SFSWAP: variants seen among roughly 807,000 people sequenced by gnomAD.
The protein encoded by SFSWAP is splicing factor, suppressor of white-apricot homolog.
SFSWAP carries 17 observed loss-of-function variants against 100.7 expected under a neutral mutation model. That is an observed-to-expected ratio of 0.17 (90% CI 0.12 to 0.25). The LOEUF (loss-of-function observed/expected upper bound fraction) is 0.25. Among genes scored for constraint, SFSWAP ranks in the 10% least tolerant of loss-of-function variants. The pLI is 1.00. For synonymous variants in SFSWAP, 504 were observed against 510.1 expected (o/e 0.99, Z 0.16); for missense variants, 1,005 against 1,262.6 (o/e 0.80, Z 3.09).
intron 13 of SFSWAP, among the ~76,000 whole-genome samples, chr12:131,776,245 A>C (rs1884015149): frequency 6.6e-6 from 1 of 152,216 alleles, no homozygotes; most frequent in African/African-American, 2.4e-5. Context: ...CCCTGGAGAT[A>C]ATTTAGGCAG....
chr12:131,769,037 G>A (rs1883355581), intron 13 of SFSWAP, among the ~76,000 whole-genome samples: 1 of 151,852 alleles, frequency 6.6e-6, no homozygotes, highest in African/African-American at 2.4e-5. Flanking sequence ...TGAGGCAGGA[G>A]AATCTCTTGA....
At chr12:131,745,922 G>A (rs192706787) in intron 7 of SFSWAP, among the ~76,000 whole-genome samples, 3 of 152,364 alleles carry the variant, frequency 2.0e-5, no homozygotes, top group Admixed American at 6.5e-5. Context: ...AGAGTGGGCC[G>A]CTTCCTGGCT....
At position 131,734,104 on chromosome 12, in the gene SFSWAP, C is replaced by T. The variant is rs1433133043; in HGVS notation, c.1081+5676C>T. ...GCTCAGGTGACAGTGACACCTGCAG[C>T]GGAGGCTGGGGAAGCATCAGAGCCT... is the stretch of plus-strand genomic sequence containing the variant. On this transcript the variant is annotated intron_variant, in intron 7 of 17. Transcript: ENST00000261674. This position sits in a 1 kb window ranked among gnomAD's most constrained non-coding sequence, Gnocchi z 4.9. Among the ~76,000 whole-genome samples the T allele has an allele frequency of 6.6e-6, 1 of 152,202 alleles. No individual in the cohort carries two copies. The highest frequency in any genetic ancestry group is 1.9e-4 in the East Asian group (1 of 5,194).
chr12:131,770,530 TTC>T (rs771490545), intron 13 of SFSWAP, among the ~76,000 whole-genome samples: 2 of 152,214 alleles, frequency 1.3e-5, no homozygotes, highest in Non-Finnish European at 2.9e-5. Flanking sequence ...TGTCTTTACT[TTC>T]TATAAAACTG....
At chr12:131,754,668 C>T (rs1241885169) in intron 9 of SFSWAP, among the ~76,000 whole-genome samples, 169 bp downstream of exon 9, 1 of 107,100 alleles carries the variant, frequency 9.3e-6, no homozygotes, top group African/African-American at 3.7e-5. Flanking sequence ...GAGTCTTGCT[C>T]TGTCACCCAG....
intron 12 of SFSWAP, among the ~76,000 whole-genome samples, chr12:131,765,125 G>T (rs528252754): frequency 1.2e-4 from 18 of 152,280 alleles, no homozygotes; most frequent in African/African-American, 4.3e-4. Flanking sequence ...CTGGTTTTCC[G>T]GCTGCGGCTC....
intron 11 of SFSWAP, among the ~76,000 whole-genome samples, chr12:131,758,313 C>T (rs915695052): frequency 1.3e-5 from 2 of 152,152 alleles, no homozygotes; most frequent in African/African-American, 4.8e-5. Context: ...TAGAACCTGG[C>T]AGATGAAACA....
chr12:131,749,125 G>A (rs752752214), intron 7 of SFSWAP, among the ~76,000 whole-genome samples: 4 of 152,182 alleles, frequency 2.6e-5, no homozygotes, highest in Non-Finnish European at 5.9e-5. Flanking sequence ...TCATCCAGCC[G>A]TCAGCTACTG....
At chr12:131,737,308 G>A (rs964515313) in intron 7 of SFSWAP, among the ~76,000 whole-genome samples, 2 of 152,200 alleles carry the variant, frequency 1.3e-5, no homozygotes, top group South Asian at 2.1e-4. Context: ...AAAAGGGCAG[G>A]TAAGAAGGAC....
At position 131,729,057 on chromosome 12, in the gene SFSWAP, G is replaced by A. The variant is rs939852610; in HGVS notation, c.1081+629G>A. Reference sequence around the variant, plus strand: ...AGCTAGTGGCTTCCCTTACCTCTCAGTGGCTAGTGTCCTGTCACATGGTCT... The same window carrying A: ...AGCTAGTGGCTTCCCTTACCTCTCAATGGCTAGTGTCCTGTCACATGGTCT... On this transcript the variant is annotated intron_variant, in intron 7 of 17. Transcript: ENST00000261674. Among the ~76,000 whole-genome samples, 6 of 152,148 alleles carry A rather than the reference G, an allele frequency of 3.9e-5. No homozygotes were observed. In the South Asian group the frequency reaches 1.2e-3, roughly 32 times the overall value.
chr12:131,750,896 T>C (rs1321297656), intron 7 of SFSWAP, among the ~76,000 whole-genome samples: 3 of 104,062 alleles, frequency 2.9e-5, no homozygotes, highest in African/African-American at 8.3e-5. Context: ...TCTGATGGTA[T>C]TGCCCAGGCC....
intron 3 of SFSWAP, among the ~76,000 whole-genome samples, chr12:131,715,897 A>G (rs1419184653): frequency 3.9e-5 from 6 of 152,350 alleles, no homozygotes; most frequent in Admixed American, 3.9e-4. Flanking sequence ...ATGGGGTCTC[A>G]CTGTGTTGCC....
intron 7 of SFSWAP, among the ~76,000 whole-genome samples, chr12:131,750,977 AT>A (rs1471294065): frequency 6.6e-6 from 1 of 152,088 alleles, no homozygotes; most frequent in Non-Finnish European, 1.5e-5. Context: ...CCCAGCCTAA[AT>A]TTTTCAAATT....
intron 6 of SFSWAP, 65 bp downstream of exon 6, chr12:131,727,117 G>GA: frequency 1.1e-6 from 1 of 883,110 alleles, no homozygotes; most frequent in Non-Finnish European, 1.9e-6. Context: ...TGTAATTTTG[G>GA]AAAATTTGAA....
intron 3 of SFSWAP, among the ~76,000 whole-genome samples, chr12:131,718,339 G>T (rs1402699360): frequency 6.6e-6 from 1 of 152,136 alleles, no homozygotes; most frequent in East Asian, 1.9e-4. Context: ...AATGTCATCT[G>T]TTTGGAAATA....
intron 11 of SFSWAP, among the ~76,000 whole-genome samples, chr12:131,757,763 T>C (rs1342185728): frequency 1.3e-5 from 2 of 152,294 alleles, no homozygotes; most frequent in East Asian, 3.9e-4. Context: ...TCACTATATG[T>C]GTCTTTGGGC....
Position 131,714,642 on chromosome 12 carries a change from G to A in SFSWAP, c.389-180G>A, listed in dbSNP as rs1411782364. On this transcript the variant is annotated intron_variant, in intron 2 of 17. Transcript: ENST00000261674. This position sits in a 1 kb window ranked among gnomAD's most constrained non-coding sequence, Gnocchi z 6.0. ...TATTCAGCTGTCTGTGGGTAAACATGTACTGACAAAAGTACATAATGATAG... is the reference window on the plus strand; with the variant it reads ...TATTCAGCTGTCTGTGGGTAAACATATACTGACAAAAGTACATAATGATAG... The A allele has an allele frequency of 1.1e-5, 7 of 611,378 alleles. No individual in the cohort carries two copies. Among genetic ancestry groups the A allele is most frequent in the Non-Finnish European group, 2.0e-5 (7 of 355,640 alleles). 37.9% of individuals were successfully genotyped at this position (611,378 alleles called of 1,614,324 possible).
chr12:131,719,648 G>C (rs1293040161), intron 4 of SFSWAP, 109 bp downstream of exon 4: 3 of 828,318 alleles, frequency 3.6e-6, no homozygotes, highest in African/African-American at 3.5e-5. Context: ...GGCATATAAT[G>C]CTTTAAAATG....
rs1015543874 is a variant in SFSWAP at position 131,794,205 on chromosome 12, G to A, written c.2535-2973G>A. Among the ~76,000 whole-genome samples, 60 of 152,312 alleles carry A rather than the reference G, an allele frequency of 3.9e-4. 1 individual carries two copies. In the East Asian group the frequency reaches 4.4e-3, roughly 11 times the overall value. On this transcript the variant is annotated intron_variant, in intron 15 of 17. Transcript: ENST00000261674. The surrounding 1 kb of genome is among the most constrained non-coding windows in gnomAD (Gnocchi z 4.8). ...AACAAATTGAGGATCACCCTGCGTC[G>A]TGGAGGAGTCTCAGACATGCTTTGC...
Sources: gnomAD v4.1 joint callset for allele counts (sites outside exome capture counted in the v4.1 genomes callset) on GRCh38, gnomAD v4.1.1 for gene constraint, Gnocchi (gnomAD v3.1) non-coding constraint, MANE v1.5 for transcripts, NCBI Gene and HGNC (gene_info 2026-07-23, HGNC 2026-07-21) for gene names.